Variants in MROH1 observed in about 807,000 individuals in gnomAD.
MROH1 encodes the protein maestro heat like repeat family member 1.
In MROH1, 117 loss-of-function variants were observed where a neutral mutation model predicts 116.5. That is an observed-to-expected ratio of 1.00 (90% CI 0.86 to 1.17). The LOEUF (loss-of-function observed/expected upper bound fraction) is 1.17. Ranked by LOEUF, MROH1 falls within the 50% of genes most tolerant of loss-of-function variation. The pLI is 0.00. For synonymous variants in MROH1, 921 were observed against 583.9 expected (o/e 1.58, Z -8.32); for missense variants, 1,873 against 1,338.5 (o/e 1.40, Z -6.23).
Position 144,261,552 on chromosome 8 carries a change from T to C in MROH1, c.4841-103T>C. The C allele has an allele frequency of 8.6e-6, 6 of 696,610 alleles. 1 individual carries two copies. The Admixed American group carries it at 1.2e-4, about 14-fold the overall frequency. 43.2% of individuals were successfully genotyped at this position (696,610 alleles called of 1,614,324 possible). On this transcript the variant is annotated intron_variant, in intron 43 of 43. Transcript: ENST00000326134. The stretch of plus-strand genomic sequence containing the variant: ...AAGGAAAAACGATCTTTCCGTTGGC[T>C]CCTGAGCCTCCCAGCAGAGGCTGTC...
intron 12 of MROH1, among the ~76,000 whole-genome samples, chr8:144,203,908 C>G (rs1832253827): frequency 6.6e-6 from 1 of 152,158 alleles, no homozygotes; most frequent in Non-Finnish European, 1.5e-5. Context: ...GTTAATTCAT[C>G]AATCACATTT....
chr8:144,219,250 C>A (rs1380443192), intron 12 of MROH1, among the ~76,000 whole-genome samples: 1 of 152,066 alleles, frequency 6.6e-6, no homozygotes, highest in African/African-American at 2.4e-5. Context: ...TCTCGATCTC[C>A]TGACCTCGTG....
At chr8:144,205,225 A>G (rs1178726201) in intron 12 of MROH1, among the ~76,000 whole-genome samples, 2 of 152,348 alleles carry the variant, frequency 1.3e-5, no homozygotes, top group East Asian at 1.9e-4. Context: ...ATATTGGAAC[A>G]TGATTGCAAG....
At chr8:144,242,689 G>C in intron 24 of MROH1, 61 bp downstream of exon 24, 1 of 755,376 alleles carries the variant, frequency 1.3e-6, no homozygotes, top group South Asian at 1.4e-5. Flanking sequence ...TCCTCTGGGC[G>C]GGTTGAGCTT....
At chr8:144,150,936 G>A (rs1816584660) in intron 1 of MROH1, among the ~76,000 whole-genome samples, 1 of 152,068 alleles carries the variant, frequency 6.6e-6, no homozygotes, top group Non-Finnish European at 1.5e-5. Flanking sequence ...GCCATACATA[G>A]CTCCTGTGCC....
Position 144,247,371 on chromosome 8 carries a change from C to T in MROH1, c.2942C>T (p.Pro981Leu), listed in dbSNP as rs909938630. The change falls in exon 30 of 44, where the codon CCT (proline) becomes CTT (leucine). Residue 981 changes from proline to leucine, a missense_variant. By Grantham distance (98) the Pro-to-Leu change is moderately conservative. Coordinates refer to ENST00000326134, the MANE Select transcript of MROH1 (RefSeq NM_032450.3). ...TCCCCACGGTGTGCGGACCTGTGGC[C>T]TGCCACCCGCCAGGAGGCCGTGGAC... ...LFSPRCADLW[P>L]ATRQEAVDCV... 7.1e-4 allele frequency: 551 copies of T among 771,506 alleles called. 9 individuals carry two copies. The South Asian group carries it at 7.3e-3, about 10-fold the overall frequency. 47.8% of individuals were successfully genotyped at this position (771,506 alleles called of 1,614,324 possible).
intron 35 of MROH1, among the ~76,000 whole-genome samples, chr8:144,257,582 C>T (rs1342078190): frequency 6.6e-6 from 1 of 152,212 alleles, no homozygotes; most frequent in Non-Finnish European, 1.5e-5. Context: ...CTCCTGTGCC[C>T]ACCACACCCT....
chr8:144,173,263 T>C (rs1822951808), intron 4 of MROH1, among the ~76,000 whole-genome samples: 1 of 151,650 alleles, frequency 6.6e-6, no homozygotes, highest in African/African-American at 2.4e-5. Context: ...CCACCACTCC[T>C]GGCTAATTTT....
intron 29 of MROH1, among the ~76,000 whole-genome samples, 171 bp from the exon 30 acceptor site, chr8:144,247,130 G>C (rs1842054859): frequency 3.3e-5 from 5 of 152,208 alleles, no homozygotes; most frequent in Admixed American, 3.3e-4. Context: ...GCTGCAGCAG[G>C]AGGGGAGGGA....
chr8:144,176,882 C>CT lies in MROH1; in HGVS notation c.169-2572dup, dbSNP rs148119839. ...AATACAGAATTTAAATACAGTCTGC[C>CT]TGCAGAAGCCTTAAGGGAAAGGGAG... On this transcript the variant is annotated intron_variant, in intron 4 of 43. Coordinates refer to ENST00000326134, the MANE Select transcript of MROH1 (RefSeq NM_032450.3). Among the ~76,000 whole-genome samples the CT allele has an allele frequency of 7.6e-3, 1,158 of 152,002 alleles. 14 individuals carry two copies. The highest frequency in any genetic ancestry group is 0.027 in the African/African-American group (1,105 of 41,458).
chr8:144,243,793 G>T, intron 25 of MROH1, 70 bp from the exon 26 acceptor site: 2 of 744,978 alleles, frequency 2.7e-6, no homozygotes, highest in African/African-American at 1.7e-5. Context: ...TAGGCTGGGG[G>T]ACAGAGCTTG....
chr8:144,186,026 C>T (rs1184837531), intron 7 of MROH1, among the ~76,000 whole-genome samples: 1 of 152,148 alleles, frequency 6.6e-6, no homozygotes, highest in Non-Finnish European at 1.5e-5. Context: ...AGTGCCACTT[C>T]CCAGGCAGTG....
Position 144,223,203 on chromosome 8 carries a change from G to C in MROH1, c.1311G>C (p.Gln437His). ...GGEAMIEYIVQQCALPPEQEP... is the reference protein window; with the variant it reads ...GGEAMIEYIVHQCALPPEQEP... Reference sequence around the variant, plus strand: ...AGGCGATGATCGAGTACATCGTGCAGCAGTGCGCGCTGCCCCCCGAGCAGG... The same window carrying C: ...AGGCGATGATCGAGTACATCGTGCACCAGTGCGCGCTGCCCCCCGAGCAGG... Residue 437 changes from glutamine (Q) to histidine (H), a missense_variant, in exon 14 of 44, where the codon CAG becomes CAC. Gln to His is a conservative substitution (Grantham distance 24). Coordinates refer to ENST00000326134, the MANE Select transcript of MROH1 (RefSeq NM_032450.3). The C allele has an allele frequency of 1.2e-6, 2 of 1,609,364 alleles. No individual in the cohort carries two copies. The highest frequency in any genetic ancestry group is 1.7e-6 in the Non-Finnish European group (2 of 1,178,188).
intron 29 of MROH1, among the ~76,000 whole-genome samples, chr8:144,246,719 C>T (rs1841982904): frequency 6.6e-6 from 1 of 152,166 alleles, no homozygotes; most frequent in Non-Finnish European, 1.5e-5. Flanking sequence ...GAGCACCTCC[C>T]AGGAAGGCCT....
At chr8:144,201,409 C>T (rs1268220870) in intron 12 of MROH1, among the ~76,000 whole-genome samples, 1 of 152,176 alleles carries the variant, frequency 6.6e-6, no homozygotes, top group Non-Finnish European at 1.5e-5. Context: ...TACCATTTTT[C>T]ACAAGTGAGC....
At chr8:144,220,818 G>C in intron 13 of MROH1, 145 bp downstream of exon 13, 1 of 679,086 alleles carries the variant, frequency 1.5e-6, no homozygotes, top group South Asian at 1.8e-5. Flanking sequence ...ATGACAGTGT[G>C]CCATTCAGTG....
chr8:144,219,210 G>A (rs184557034), intron 12 of MROH1, among the ~76,000 whole-genome samples: 10 of 152,086 alleles, frequency 6.6e-5, no homozygotes, highest in Admixed American at 5.9e-4. Flanking sequence ...TTTTAGTAGA[G>A]ACAAGGTTTC....
intron 29 of MROH1, 77 bp from the exon 30 acceptor site, chr8:144,247,224 C>T: frequency 1.7e-5 from 12 of 723,354 alleles, no homozygotes; most frequent in Admixed American, 9.3e-5. Context: ...CACTCCAGCC[C>T]TCCTCTGGGT....
intron 12 of MROH1, among the ~76,000 whole-genome samples, chr8:144,201,838 C>T (rs1423708938): frequency 2.0e-5 from 3 of 151,970 alleles, no homozygotes; most frequent in Non-Finnish European, 2.9e-5. Flanking sequence ...CATGGTGAAA[C>T]CCCGTCTCTA....
Sources: allele counts gnomAD v4.1 joint callset (sites outside exome capture counted in the v4.1 genomes callset), GRCh38; gene constraint gnomAD v4.1.1; transcripts MANE v1.5; gene names NCBI Gene and HGNC (gene_info 2026-07-23, HGNC 2026-07-21).